Variants in CRHR1 observed in about 807,000 individuals in gnomAD.
CRHR1 encodes the protein corticotropin releasing hormone receptor 1.
Under a neutral mutation model 56.0 loss-of-function variants are expected in CRHR1, and 28 were observed. That is an observed-to-expected ratio of 0.50 (90% confidence interval 0.37 to 0.69). The LOEUF is 0.69. Ranked by LOEUF, CRHR1 falls within the 30% of genes least tolerant of loss-of-function variation. CRHR1 has a pLI of 0.00. For missense variants in CRHR1, 376 were observed against 548.0 expected, an observed-to-expected ratio of 0.69 and a Z score of 3.13; for synonymous variants, 195 against 216.5, an observed-to-expected ratio of 0.90 and a Z score of 0.87.
intron 3 of CRHR1, among the ~76,000 whole-genome samples, chr17:45,818,728 T>C (rs939599851): frequency 2.0e-5 from 3 of 152,188 alleles, no homozygotes; most frequent in Admixed American, 6.5e-5. Flanking sequence ...TACCCAGAGC[T>C]GCACCTCATC....
chr17:45,795,903 C>T (rs1444106397), intron 1 of CRHR1, among the ~76,000 whole-genome samples: 1 of 152,184 alleles, frequency 6.6e-6, no homozygotes. Context: ...TGGGGTTTGG[C>T]GGTCCAGCAG....
rs73313125 is a variant in CRHR1, at chr17:45,820,264, G to A, written c.242-1091G>A. On this transcript the variant is annotated intron_variant, in intron 3 of 12. Transcript: ENST00000314537. ...TCAGAGCCAGAATTAACTCAAGGAA[G>A]CATGTTTAGAGCTACTGATGCCAGA... Among the ~76,000 whole-genome samples the A allele has an allele frequency of 7.6e-3, 1,153 of 152,318 alleles. 11 individuals are homozygous for A. Among genetic ancestry groups the A allele is most frequent in the African/African-American group, 0.026 (1,096 of 41,574 alleles).
At chr17:45,793,132 C>T (rs370589390) in intron 1 of CRHR1, among the ~76,000 whole-genome samples, 47 of 152,326 alleles carry the variant, frequency 3.1e-4, no homozygotes, top group East Asian at 1.5e-3. Flanking sequence ...TCTGCCTCCG[C>T]GTGTGGATTT....
intron 5 of CRHR1, 101 bp downstream of exon 5, chr17:45,829,422 T>A: frequency 7.4e-7 from 1 of 1,343,982 alleles, no homozygotes; most frequent in African/African-American, 1.5e-5. Context: ...TGGGGGTTGC[T>A]GGGAGAGGGT....
At chr17:45,787,621 A>C (rs547807144) in intron 1 of CRHR1, among the ~76,000 whole-genome samples, 1 of 152,280 alleles carries the variant, frequency 6.6e-6, no homozygotes, top group Non-Finnish European at 1.5e-5. Flanking sequence ...AGCTGTGGCC[A>C]TTGGGCAGCC....
At chr17:45,834,573 G>A in intron 12 of CRHR1, 51 bp from the exon 13 acceptor site, 1 of 1,560,314 alleles carries the variant, frequency 6.4e-7, no homozygotes, top group Non-Finnish European at 8.7e-7. Context: ...AGGGGAGGGA[G>A]GGGGTCCTGA....
chr17:45,818,316 C>T (rs2061970097), intron 3 of CRHR1, among the ~76,000 whole-genome samples: 1 of 152,248 alleles, frequency 6.6e-6, no homozygotes, highest in South Asian at 2.1e-4. Context: ...GGCCACCCCC[C>T]ATGAGTTCCC....
chr17:45,833,693 T>TGGGGCCCCCCCCC, intron 10 of CRHR1, 21 bp from the exon 11 acceptor site: 3 of 1,571,578 alleles, frequency 1.9e-6, no homozygotes, highest in Non-Finnish European at 2.6e-6. Context: ...ACTCCGAGCC[T>TGGGGCCCCCCCCC]CCCCACCCGC....
chr17:45,802,057 G>T (rs2061633632), intron 1 of CRHR1, among the ~76,000 whole-genome samples: 1 of 151,920 alleles, frequency 6.6e-6, no homozygotes, highest in East Asian at 1.9e-4. Flanking sequence ...CAGCATGGTG[G>T]CTCACTCCTG....
At chr17:45,790,857 C>T (rs1224602288) in intron 1 of CRHR1, among the ~76,000 whole-genome samples, 2 of 152,152 alleles carry the variant, frequency 1.3e-5, no homozygotes, top group Non-Finnish European at 2.9e-5. Context: ...TGGGGGCTAT[C>T]AGGAAGCACA....
chr17:45,830,281 C>T, intron 6 of CRHR1, 67 bp downstream of exon 6: 2 of 1,393,598 alleles, frequency 1.4e-6, no homozygotes, highest in Non-Finnish European at 2.0e-6. Context: ...GGCCCGCCTG[C>T]CCTGCAGAGG....
At chr17:45,821,785 C>A (rs1598433942) in intron 4 of CRHR1, among the ~76,000 whole-genome samples, 1 of 152,330 alleles carries the variant, frequency 6.6e-6, no homozygotes, top group Middle Eastern at 3.4e-3. Context: ...GGAGTCCCAC[C>A]CTTTTCCACA....
intron 1 of CRHR1, among the ~76,000 whole-genome samples, chr17:45,804,635 C>T (rs969615470): frequency 3.3e-5 from 5 of 151,874 alleles, no homozygotes; most frequent in Non-Finnish European, 5.9e-5. Flanking sequence ...GGAGAAGGTC[C>T]TGAGATCCGA....
chr17:45,786,184 C>G (rs2061333063), intron 1 of CRHR1, among the ~76,000 whole-genome samples: 1 of 144,140 alleles, frequency 6.9e-6, no homozygotes, highest in African/African-American at 2.6e-5. Flanking sequence ...TCTGGCCTTT[C>G]ATAGAATTGT....
At chr17:45,823,062 T>G (rs1157916853) in intron 4 of CRHR1, among the ~76,000 whole-genome samples, 1 of 149,892 alleles carries the variant, frequency 6.7e-6, no homozygotes, top group Non-Finnish European at 1.5e-5. Flanking sequence ...GAGAATCACT[T>G]GAACCAGGGA....
At chr17:45,817,084 C>G (rs984512748) in intron 3 of CRHR1, among the ~76,000 whole-genome samples, 4 of 152,094 alleles carry the variant, frequency 2.6e-5, no homozygotes, top group Non-Finnish European at 5.9e-5. Context: ...CAGGCACAGG[C>G]TCAACTTGCA....
chr17:45,802,602 A>C (rs1337520615), intron 1 of CRHR1, among the ~76,000 whole-genome samples: 2 of 152,234 alleles, frequency 1.3e-5, no homozygotes, highest in Non-Finnish European at 1.5e-5. Flanking sequence ...GCACAGGCAC[A>C]GATTCTGCTA....
intron 12 of CRHR1, 151 bp downstream of exon 12, chr17:45,834,199 T>G: frequency 1.0e-6 from 1 of 967,724 alleles, no homozygotes; most frequent in Non-Finnish European, 1.6e-6. Flanking sequence ...AGCCCCAGGG[T>G]GGCCCCTCCC....
At chr17:45,791,850 TCTCA>T (rs1173529614) in intron 1 of CRHR1, among the ~76,000 whole-genome samples, 254 of 112,228 alleles carry the variant, frequency 2.3e-3, no homozygotes, top group African/African-American at 7.1e-3. Flanking sequence ...TCTCTCTCTC[TCTCA>T]CACACACACA....
Sources: allele counts gnomAD v4.1 joint callset (sites outside exome capture counted in the v4.1 genomes callset), GRCh38; gene constraint gnomAD v4.1.1; transcripts MANE v1.5; gene names NCBI Gene and HGNC (gene_info 2026-07-23, HGNC 2026-07-21).